The following NOL6 variants were observed in gnomAD, a reference collection of about 807,000 sequenced individuals.
NOL6 encodes the protein nucleolar RNA-associated protein.
A neutral mutation model predicts 131.7 loss-of-function variants in NOL6; 33 were observed. The observed-to-expected ratio is 0.25, with a 90% CI of 0.19 to 0.33. The LOEUF is 0.33. Ranked by LOEUF, NOL6 falls within the 10% of genes least tolerant of loss-of-function variation. The pLI, the probability that NOL6 is intolerant of heterozygous loss-of-function variation, is 1.00. For synonymous variants in NOL6, 580 were observed against 605.7 expected, an observed-to-expected ratio of 0.96 and a Z score of 0.62; for missense variants, 1,297 against 1,494.5, an observed-to-expected ratio of 0.87 and a Z score of 2.18.
rs556864320 is a variant in NOL6, at chr9:33,461,783, G to A, written c.*881C>T. The A allele has an allele frequency of 2.3e-4, 44 of 191,126 alleles. No individual in the cohort carries two copies. Among genetic ancestry groups the A allele is most frequent in the Non-Finnish European group, 4.7e-4 (43 of 91,808 alleles). 11.8% of individuals were successfully genotyped at this position (191,126 alleles called of 1,614,324 possible). On this transcript the variant is annotated 3_prime_UTR_variant, in exon 26 of 26. Coordinates refer to ENST00000297990, the MANE Select transcript of NOL6 (RefSeq NM_022917.5). ...GGAAAAACAGCCAGAATTACAGGAA[G>A]CAGAGAGGCTACCAGAAAGTGGGTG...
At chr9:33,472,735 G>A in intron 1 of NOL6, 1 of 392,558 alleles carries the variant, frequency 2.5e-6, no homozygotes, top group Non-Finnish European at 4.8e-6. Context: ...CAGTTTGGGA[G>A]GTGGAGCTGG....
chr9:33,465,851 T>C lies in NOL6; in HGVS notation c.2411A>G (p.Gln804Arg), dbSNP rs974668991. 25 of 1,614,004 alleles carry C rather than the reference T, an allele frequency of 1.5e-5. No individual in the cohort carries two copies. Among genetic ancestry groups the C allele is most frequent in the Non-Finnish European group, 2.0e-5 (24 of 1,180,000 alleles). Residue 804 changes from glutamine (Q) to arginine (R), a missense_variant, in exon 19 of 26, where the codon CAG becomes CGG. Coordinates refer to ENST00000297990, the MANE Select transcript of NOL6 (RefSeq NM_022917.5). ...TGGGCTCTGCACCTCCTTCAGGATC[T>C]GGGGCTCCCGCTGATAGGCCACGCG... ...RIRVAYQREPQILKEVQSPEG... is the reference protein window; with the variant it reads ...RIRVAYQREPRILKEVQSPEG...
rs370528708 is a variant in NOL6 at position 33,469,643 on chromosome 9, G to C, written c.583C>G (p.Leu195Val). Residue 195 changes from leucine (L) to valine (V), a missense_variant, in exon 5 of 26, where the codon CTG (leucine) becomes GTG (valine). Transcript: ENST00000297990. ...PREILQDKDGLNQRYFRKRAL... is the reference protein window; with the variant it reads ...PREILQDKDGVNQRYFRKRAL... ...CGCTTGCGGAAGTAGCGCTGGTTCA[G>C]CCCGTCCTTGTCCTGTAGGATTTCC... 10 of 1,612,794 alleles carry C rather than the reference G, an allele frequency of 6.2e-6. No individual in the cohort carries two copies. The highest frequency in any genetic ancestry group is 8.5e-6 in the Non-Finnish European group (10 of 1,179,636).
intron 3 of NOL6, chr9:33,470,402 C>G (rs1827376297): frequency 2.5e-6 from 1 of 397,012 alleles, no homozygotes; most frequent in Non-Finnish European, 4.4e-6. Context: ...TAAGAATACC[C>G]ATTTTACGAG....
In NOL6 at chr9:33,466,337, G is replaced by C; in HGVS notation, c.2180C>G (p.Pro727Arg). 1 of 1,614,234 alleles carries C rather than the reference G, an allele frequency of 6.2e-7. No homozygotes were observed. Residue 727 changes from proline to arginine, a missense_variant, in exon 17 of 26, where the codon CCC (proline) becomes CGC (arginine). Pro to Arg is a moderately radical substitution (Grantham distance 103). Coordinates refer to ENST00000297990, the MANE Select transcript of NOL6 (RefSeq NM_022917.5). ...CATGGGCTCCACGTAGGCCGGACAGGGCTTATCGAGCCGGGGCAGCAGTGA... is the reference window on the plus strand; with the variant it reads ...CATGGGCTCCACGTAGGCCGGACAGCGCTTATCGAGCCGGGGCAGCAGTGA... ...RSSLLPRLDK[P>R]CPAYVEPMTV...
chr9:33,469,322 G>A lies in NOL6; in HGVS notation c.747C>T (p.Val249=). The change falls in exon 6 of 26, where the codon GTC becomes GTT. Residue 249 remains valine, a synonymous_variant. Transcript: ENST00000297990. ...GAGGGCACGGATGCAGACGTACAGT[G>A]ACCAGGCGCTCATCCTTTCCTGCCA... is the stretch of plus-strand genomic sequence containing the variant. The part of the protein sequence containing the change: ...LRPRGKDERL[V]TVRLHPCPPP... 6.2e-7 allele frequency: 1 copy of A among 1,614,042 alleles called. No homozygotes were observed. The highest frequency in any genetic ancestry group is 8.5e-7 in the Non-Finnish European group (1 of 1,180,000).
chr9:33,465,138 G>T (rs1025509219), intron 20 of NOL6, 69 bp downstream of exon 20: 1 of 1,537,302 alleles, frequency 6.5e-7, no homozygotes, highest in African/African-American at 1.4e-5. Context: ...TAGACTTAGG[G>T]TGCAGCACGA....
chr9:33,472,432 A>C lies in NOL6; in HGVS notation c.55-20T>G. 6.2e-7 allele frequency: 1 copy of C among 1,602,432 alleles called. No individual in the cohort carries two copies. The highest frequency in any genetic ancestry group is 1.7e-5 in the Admixed American group (1 of 58,632). On this transcript the variant is annotated intron_variant, in intron 1 of 25. Transcript: ENST00000297990. ...CATCACCTGTGGCCAGTGAGGGAGAAGCCATTTTGAGGTAATAGGTATCTA... is the reference window on the plus strand; with the variant it reads ...CATCACCTGTGGCCAGTGAGGGAGACGCCATTTTGAGGTAATAGGTATCTA...
chr9:33,468,814 G>A lies in NOL6; in HGVS notation c.1085C>T (p.Thr362Ile), dbSNP rs767859783. ...VSMLVVFLVS[T>I]RKIHTTMSGY... is the part of the protein sequence containing the mutation. ...ACTCATGGTGGTATGGATCTTGCGT[G>A]TAGACACAAGGAAGACAACCAGCAT... The change falls in exon 8 of 26, where the codon ACA becomes ATA. Residue 362 changes from threonine to isoleucine, a missense_variant. By Grantham distance (89) the Thr-to-Ile change is moderately conservative. Coordinates refer to ENST00000297990, the MANE Select transcript of NOL6 (RefSeq NM_022917.5). 18 of 1,614,048 alleles carry A rather than the reference G, an allele frequency of 1.1e-5. No individual in the cohort carries two copies. Among genetic ancestry groups the A allele is most frequent in the South Asian group, 1.1e-4 (10 of 91,084 alleles).
At chr9:33,462,918 A>C (rs1241683685) in intron 25 of NOL6, 105 bp from the exon 26 acceptor site, 9 of 1,551,042 alleles carry the variant, frequency 5.8e-6, no homozygotes, top group Non-Finnish European at 7.9e-6. Flanking sequence ...ACACAAGCCC[A>C]TACACTCCGC....
rs1359417533 is a variant in NOL6, at chr9:33,467,576, T to C, written c.1603-60A>G. On this transcript the variant is annotated intron_variant, in intron 12 of 25. Transcript: ENST00000297990. This position sits in a 1 kb window ranked among gnomAD's most constrained non-coding sequence, Gnocchi z 4.4. ...AATCCTCCAGCCTGGCCTAGAAACC[T>C]ACTTTCTAGCTAGCTAGAAACGCCT... 1.7e-5 allele frequency: 28 copies of C among 1,600,014 alleles called. No individual in the cohort carries two copies. The highest frequency in any genetic ancestry group is 2.3e-5 in the Non-Finnish European group (27 of 1,170,894).
chr9:33,466,474 G>A, intron 16 of NOL6, 49 bp from the exon 17 acceptor site: 1 of 1,611,584 alleles, frequency 6.2e-7, no homozygotes, highest in Non-Finnish European at 8.5e-7. Flanking sequence ...GGGAGGGAGT[G>A]CCCAGAGTCA....
chr9:33,465,023 C>G (rs1350030014), intron 20 of NOL6, 47 bp from the exon 21 acceptor site: 1 of 1,533,978 alleles, frequency 6.5e-7, no homozygotes, highest in East Asian at 2.2e-5. Context: ...GCCACATATC[C>G]CCAGGCTTCT....
Position 33,462,218 on chromosome 9 carries a change from G to A in NOL6, c.*446C>T. The A allele has an allele frequency of 4.2e-6, 3 of 717,346 alleles. No homozygotes were observed. The highest frequency in any genetic ancestry group is 4.0e-5 in the Admixed American group (2 of 50,010). 44.4% of individuals were successfully genotyped at this position (717,346 alleles called of 1,614,324 possible). On this transcript the variant is annotated 3_prime_UTR_variant, in exon 26 of 26. Transcript: ENST00000297990. Reference sequence around the variant, plus strand: ...ACATTTTCGCTGGGTCCCATCTAAAGGCCTGACACTGCAGTGAAGGGCATG... The same window carrying A: ...ACATTTTCGCTGGGTCCCATCTAAAAGCCTGACACTGCAGTGAAGGGCATG...
Position 33,466,933 on chromosome 9 carries a change from T to G in NOL6, c.1929A>C (p.Ala643=), listed in dbSNP as rs751127132. The stretch of plus-strand genomic sequence containing the variant: ...TTACCTCTTTCAGGCCTTGGATAAG[T>G]GCATCCAGGGGGCCCCCCACATAGT... The part of the protein sequence containing the change: ...CVHYVGGPLD[A]LIQGLKETSS... The change falls in exon 15 of 26, where the codon GCA becomes GCC. Residue 643 remains alanine, a synonymous_variant. Transcript: ENST00000297990. 1.1e-5 allele frequency: 17 copies of G among 1,614,086 alleles called. No individual in the cohort carries two copies. The highest frequency in any genetic ancestry group is 1.4e-5 in the Non-Finnish European group (16 of 1,180,008).
rs371891385 is a variant in NOL6, at chr9:33,467,036, G to C, written c.1875-49C>G. 1 of 1,613,646 alleles carries C rather than the reference G, an allele frequency of 6.2e-7. No homozygotes were observed. Among genetic ancestry groups the C allele is most frequent in the Non-Finnish European group, 8.5e-7 (1 of 1,179,694 alleles). ...TGAGAAAATTTGGGGCTATGTTCTC[G>C]CTCAACTGCCTGGGCCAGACCCCTG... On this transcript the variant is annotated intron_variant, in intron 14 of 25. Coordinates refer to ENST00000297990, the MANE Select transcript of NOL6 (RefSeq NM_022917.5). The surrounding 1 kb of genome is among the most constrained non-coding windows in gnomAD (Gnocchi z 4.4).
intron 1 of NOL6, among the ~76,000 whole-genome samples, chr9:33,473,530 A>G (rs1309288703): frequency 6.6e-6 from 1 of 152,176 alleles, no homozygotes; most frequent in East Asian, 1.9e-4. Flanking sequence ...AAACGACCCA[A>G]GTGTGGGTCT....
In NOL6 at chr9:33,465,801, T is replaced by C. The variant is rs766442883; in HGVS notation, c.2461A>G (p.Thr821Ala). ...SPEGMISLRD[T>A]AASLRLERDT... ...CTCTCAAGGCGGAGGGAGGCAGCTG[T>C]GTCCCTCAGCGAGATCATCCCCTCT... Residue 821 changes from threonine (T) to alanine (A), a missense_variant, in exon 19 of 26, where the codon ACA (threonine) becomes GCA (alanine). Coordinates refer to ENST00000297990, the MANE Select transcript of NOL6 (RefSeq NM_022917.5). 1.9e-6 allele frequency: 3 copies of C among 1,614,032 alleles called. No individual in the cohort carries two copies. The highest frequency in any genetic ancestry group is 2.2e-5 in the East Asian group (1 of 44,880).
At chr9:33,470,253 T>A (rs1751095444) in intron 3 of NOL6, 62 bp from the exon 4 acceptor site, 2 of 1,355,796 alleles carry the variant, frequency 1.5e-6, no homozygotes, top group African/African-American at 1.5e-5. Flanking sequence ...GTACCCTTTA[T>A]GTCTAGAAGA....
Sources: allele counts gnomAD v4.1 joint callset (sites outside exome capture counted in the v4.1 genomes callset), GRCh38; gene constraint gnomAD v4.1.1; non-coding constraint Gnocchi (gnomAD v3.1); transcripts MANE v1.5; gene names NCBI Gene and HGNC (gene_info 2026-07-23, HGNC 2026-07-21).